The following CRIM1 variants were observed in gnomAD, a reference collection of about 807,000 sequenced individuals.
The protein encoded by CRIM1 is cysteine-rich motor neuron 1 protein.
A neutral mutation model predicts 116.4 loss-of-function variants in CRIM1; 32 were observed. That is an observed-to-expected ratio of 0.27 (90% confidence interval 0.21 to 0.37). The LOEUF (loss-of-function observed/expected upper bound fraction) is 0.37, where lower values mean the gene tolerates loss of function less well. Ranked by LOEUF, CRIM1 falls within the 10% of genes least tolerant of loss-of-function variation. The pLI is 1.00. For missense variants in CRIM1, 1,331 were observed against 1,354.8 expected, an observed-to-expected ratio of 0.98 and a Z score of 0.28; for synonymous variants, 590 against 509.2, an observed-to-expected ratio of 1.16 and a Z score of -2.13.
At chr2:36,425,782 C>T (rs1008414616) in intron 2 of CRIM1, among the ~76,000 whole-genome samples, 3 of 152,092 alleles carry the variant, frequency 2.0e-5, no homozygotes, top group South Asian at 4.1e-4. Context: ...TTGCTAAATA[C>T]GAATAACCAT....
intron 1 of CRIM1, among the ~76,000 whole-genome samples, chr2:36,376,972 TC>T (rs1670368785): frequency 6.6e-6 from 1 of 152,150 alleles, no homozygotes; most frequent in Non-Finnish European, 1.5e-5. Context: ...GAGCAGCAGT[TC>T]CTGAGCTCTG....
chr2:36,440,276 C>T (rs1675700283), intron 2 of CRIM1, among the ~76,000 whole-genome samples: 1 of 152,190 alleles, frequency 6.6e-6, no homozygotes, highest in Non-Finnish European at 1.5e-5. Flanking sequence ...CTACCCAATT[C>T]TGTGTTTGGG....
intron 1 of CRIM1, among the ~76,000 whole-genome samples, chr2:36,382,706 T>C (rs73922898): frequency 0.014 from 2,135 of 152,306 alleles, 61 homozygotes; most frequent in African/African-American, 0.049. Flanking sequence ...TTGGCCTGTG[T>C]CTCCTGGCTC....
intron 4 of CRIM1, among the ~76,000 whole-genome samples, chr2:36,449,617 G>A (rs927610856): frequency 2.6e-5 from 4 of 152,136 alleles, no homozygotes; most frequent in African/African-American, 9.7e-5. Flanking sequence ...AGAAAGGAGG[G>A]GAGGAAGGAT....
chr2:36,540,222 C>A (rs998409336), intron 14 of CRIM1, among the ~76,000 whole-genome samples: 19 of 152,144 alleles, frequency 1.2e-4, no homozygotes, highest in African/African-American at 4.1e-4. Context: ...CTTAGCACTG[C>A]TGTAATGAAC....
chr2:36,476,787 T>C lies in CRIM1; in HGVS notation c.992-102T>C. On this transcript the variant is annotated intron_variant, in intron 5 of 16. Coordinates refer to ENST00000280527, the MANE Select transcript of CRIM1 (RefSeq NM_016441.3). ...AGTTGAGTAAATTTCCATCAACTTA[T>C]AACCTCCTATTAGAAATTTTCTAGA... The C allele has an allele frequency of 4.5e-6, 4 of 889,726 alleles. No individual in the cohort carries two copies. In the Admixed American group the frequency reaches 9.3e-5, roughly 21 times the overall value. 55.1% of individuals were successfully genotyped at this position (889,726 alleles called of 1,614,324 possible). A position where few individuals can be genotyped will look rare whatever the true frequency, so the allele number is the denominator to read the frequency against.
chr2:36,394,226 G>T (rs538832079), intron 1 of CRIM1, among the ~76,000 whole-genome samples: 1 of 152,258 alleles, frequency 6.6e-6, no homozygotes, highest in African/African-American at 2.4e-5. Flanking sequence ...AATATACATG[G>T]CTTCCAGTAG....
chr2:36,521,466 G>T (rs72866891), intron 12 of CRIM1, among the ~76,000 whole-genome samples: 8,121 of 152,226 alleles, frequency 0.053, 416 homozygotes, highest in African/African-American at 0.14. Flanking sequence ...GCTACAATTT[G>T]TAAGTAAATA....
chr2:36,424,959 C>T (rs1674343346), intron 2 of CRIM1, among the ~76,000 whole-genome samples: 1 of 152,100 alleles, frequency 6.6e-6, no homozygotes, highest in Non-Finnish European at 1.5e-5. Flanking sequence ...TGCAGAGAAC[C>T]TTAGGATTCA....
intron 14 of CRIM1, among the ~76,000 whole-genome samples, chr2:36,540,755 CAG>C (rs765010619): frequency 3.9e-5 from 6 of 152,158 alleles, no homozygotes; most frequent in Non-Finnish European, 8.8e-5. Context: ...AGGACTAAAG[CAG>C]AGAGAGACCA....
intron 12 of CRIM1, among the ~76,000 whole-genome samples, chr2:36,520,790 T>C (rs1665335959): frequency 1.3e-5 from 2 of 152,184 alleles, no homozygotes; most frequent in Non-Finnish European, 1.5e-5. Context: ...GTGGGGTATA[T>C]TCATGAGGTG....
At chr2:36,363,922 C>A (rs1669417481) in intron 1 of CRIM1, among the ~76,000 whole-genome samples, 1 of 152,162 alleles carries the variant, frequency 6.6e-6, no homozygotes, top group African/African-American at 2.4e-5. Flanking sequence ...GAGGATTATC[C>A]ATTCCTCTTG....
At chr2:36,456,230 C>G (rs989243553) in intron 4 of CRIM1, among the ~76,000 whole-genome samples, 2 of 152,098 alleles carry the variant, frequency 1.3e-5, no homozygotes, top group Admixed American at 1.3e-4. Context: ...AACTAAATTC[C>G]CTAAACTTAG....
chr2:36,381,768 TAG>T (rs1307574381), intron 1 of CRIM1, among the ~76,000 whole-genome samples: 2 of 152,120 alleles, frequency 1.3e-5, no homozygotes, highest in African/African-American at 4.8e-5. Context: ...GCCTGTATGA[TAG>T]AGTGAGACTT....
chr2:36,538,023 A>C (rs973159082), intron 14 of CRIM1, among the ~76,000 whole-genome samples: 1 of 152,144 alleles, frequency 6.6e-6, no homozygotes, highest in African/African-American at 2.4e-5. Context: ...GCCAGTACCC[A>C]TACCATCCAC....
At chr2:36,363,398 A>C (rs906170302) in intron 1 of CRIM1, among the ~76,000 whole-genome samples, 1 of 151,998 alleles carries the variant, frequency 6.6e-6, no homozygotes, top group African/African-American at 2.4e-5. Flanking sequence ...AGTATAAGTG[A>C]AACAATTTTA....
At chr2:36,452,318 G>A (rs1312549372) in intron 4 of CRIM1, among the ~76,000 whole-genome samples, 7 of 152,080 alleles carry the variant, frequency 4.6e-5, no homozygotes, top group Non-Finnish European at 1.5e-5. Context: ...TATTATGGTA[G>A]CATTCTCTCT....
chr2:36,455,798 G>A, intron 4 of CRIM1, among the ~76,000 whole-genome samples: 1 of 152,198 alleles, frequency 6.6e-6, no homozygotes, highest in Non-Finnish European at 1.5e-5. Flanking sequence ...TGTGTGATAT[G>A]TTCGGAGGAT....
intron 5 of CRIM1, among the ~76,000 whole-genome samples, chr2:36,470,366 G>A (rs1179777136): frequency 2.6e-5 from 4 of 152,164 alleles, no homozygotes; most frequent in African/African-American, 9.7e-5. Context: ...TCAGTGTAGA[G>A]GAAGCAGCCT....
Sources: allele counts gnomAD v4.1 joint callset (sites outside exome capture counted in the v4.1 genomes callset), GRCh38; gene constraint gnomAD v4.1.1; transcripts MANE v1.5; gene names NCBI Gene and HGNC (gene_info 2026-07-23, HGNC 2026-07-21).